PLXNB2: variants seen among roughly 807,000 people sequenced by gnomAD.
The protein encoded by PLXNB2 is plexin B2.
PLXNB2 carries 85 observed loss-of-function variants against 202.6 expected under a neutral mutation model. The ratio of observed to expected loss-of-function variants is 0.42; its 90% CI spans 0.35 to 0.50. PLXNB2 has a LOEUF of 0.50. PLXNB2 is among the 20% of genes least tolerant of loss of function. The pLI, the probability that PLXNB2 is intolerant of heterozygous loss-of-function variation, is 0.02. For synonymous variants in PLXNB2, 1,239 were observed against 1,137.6 expected (o/e 1.09, Z -1.79); for missense variants, 2,063 against 2,586.2 (o/e 0.80, Z 4.39).
At position 50,288,909 on chromosome 22, in the gene PLXNB2, T is replaced by TTGTGCACAGACGGGCCC; in HGVS notation, c.1251+34_1252-39dup. ...GGGCAGGCCGGTGAGGGTACGGGCC[T>TTGTGCACAGACGGGCCC]TGTGCACAGACGGGCCCTCCAGAGC... On this transcript the variant is annotated intron_variant, in intron 4 of 36. Transcript: ENST00000359337. The surrounding 1 kb of genome is among the most constrained non-coding windows in gnomAD (Gnocchi z 5.0). The TTGTGCACAGACGGGCCC allele has an allele frequency of 6.2e-7, 1 of 1,611,060 alleles. No homozygotes were observed. The highest frequency in any genetic ancestry group is 8.5e-7 in the Non-Finnish European group (1 of 1,178,328).
rs538233165 is a variant in PLXNB2 at position 50,275,517 on chromosome 22, G to A, written c.*187C>T. The A allele has an allele frequency of 6.7e-4, 446 of 668,600 alleles. No homozygotes were observed. The highest frequency in any genetic ancestry group is 1.0e-3 in the Non-Finnish European group (377 of 363,158). 41.4% of individuals were successfully genotyped at this position (668,600 alleles called of 1,614,324 possible). ...TGGGGCTGGTGCTGGTGCGGTGCCC[G>A]GCGGTATTGCTCAGAGGAAGATGCT... On this transcript the variant is annotated 3_prime_UTR_variant, in exon 37 of 37. Transcript: ENST00000359337.
chr22:50,279,743 T>A lies in PLXNB2; in HGVS notation c.4276A>T (p.Lys1426Ter). The A allele has an allele frequency of 6.2e-7, 1 of 1,613,958 alleles. No individual in the cohort carries two copies. The highest frequency in any genetic ancestry group is 8.5e-7 in the Non-Finnish European group (1 of 1,179,974). ...SAGEPLYKLF[K>*]AIKHQVEKGP... Reference sequence around the variant, plus strand: ...TTTTCCACCTGATGTTTGATGGCCTTGAAGAGCTTGTACAGGGGCTCCCCG... The same window carrying A: ...TTTTCCACCTGATGTTTGATGGCCTAGAAGAGCTTGTACAGGGGCTCCCCG... Residue 1426 changes from lysine (K) to a stop codon, truncating the protein, a stop_gained, in exon 27 of 37, where the codon AAG becomes TAG. Transcript: ENST00000359337. LOFTEE classifies it high-confidence loss of function.
chr22:50,296,156 A>G (rs1274960457), intron 1 of PLXNB2, among the ~76,000 whole-genome samples: 2 of 151,212 alleles, frequency 1.3e-5, no homozygotes, highest in African/African-American at 4.9e-5. Context: ...AGGCCACGGC[A>G]GTCCAGCCCA....
At position 50,284,528 on chromosome 22, in the gene PLXNB2, G is replaced by A; in HGVS notation, c.2181+45C>T. 6.9e-7 allele frequency: 1 copy of A among 1,452,938 alleles called. No individual in the cohort carries two copies. 90.0% of individuals were successfully genotyped at this position (1,452,938 alleles called of 1,614,324 possible). On this transcript the variant is annotated intron_variant, in intron 12 of 36. Transcript: ENST00000359337. This position sits in a 1 kb window ranked among gnomAD's most constrained non-coding sequence, Gnocchi z 8.0. ...GAAGGTGACCCCCCACCCCACCCGGGGCCCTGGGGTCCAGCAGCCGAGCCG... is the reference window on the plus strand; with the variant it reads ...GAAGGTGACCCCCCACCCCACCCGGAGCCCTGGGGTCCAGCAGCCGAGCCG...
chr22:50,287,889 C>T (rs780224719), intron 6 of PLXNB2, 48 bp downstream of exon 6: 17 of 1,584,978 alleles, frequency 1.1e-5, no homozygotes, highest in South Asian at 5.7e-5. Context: ...CACGACCTTC[C>T]GGGATCCCAG....
chr22:50,282,297 T>C lies in PLXNB2; in HGVS notation c.3004A>G (p.Asn1002Asp). Residue 1002 changes from asparagine (N) to aspartate (D), a missense_variant, in exon 19 of 37, where the codon AAC becomes GAC. Physicochemically the swap from Asn to Asp is conservative, Grantham distance 23. Around this residue, in one of 2 missense-constraint regions of PLXNB2, gnomAD observed 1,303 missense variants for 1,476.8 expected, o/e 0.88. Transcript: ENST00000359337. ...RSFASGGRSI[N>D]VTGQGFSLIQ... ...AGGCTGAAGCCCTGACCCGTGACGTTGATGCTGCGGCCACCACTGCGGAGG... is the reference window on the plus strand; with the variant it reads ...AGGCTGAAGCCCTGACCCGTGACGTCGATGCTGCGGCCACCACTGCGGAGG... 1 of 1,610,530 alleles carries C rather than the reference T, an allele frequency of 6.2e-7. No individual in the cohort carries two copies. Among genetic ancestry groups the C allele is most frequent in the South Asian group, 1.1e-5 (1 of 90,922 alleles).
rs1300156762 is a variant in PLXNB2 at position 50,277,634 on chromosome 22, G to C, written c.5153C>G (p.Thr1718Ser). The change falls in exon 33 of 37, where the codon ACC (threonine) becomes AGC (serine). Residue 1718 changes from threonine to serine, a missense_variant. This residue lies in a region of PLXNB2 where 760 missense variants were observed against 1,109.4 expected (regional missense o/e 0.69). Coordinates refer to ENST00000359337, the MANE Select transcript of PLXNB2 (RefSeq NM_012401.4). ...CGTGCGCGTGCAGGCATCCATGAAG[G>C]TCTGCGCGATGACTGACAGCGAGGC... ...VDASLSVIAQ[T>S]FMDACTRTEH... 1 of 1,606,666 alleles carries C rather than the reference G, an allele frequency of 6.2e-7. No homozygotes were observed.
intron 1 of PLXNB2, among the ~76,000 whole-genome samples, chr22:50,303,398 G>A (rs1311794725): frequency 1.3e-5 from 2 of 152,182 alleles, no homozygotes; most frequent in Non-Finnish European, 2.9e-5. Context: ...GCCCCCAGAC[G>A]CCAATCTGAC....
rs1297463634 is a variant in PLXNB2 at position 50,284,671 on chromosome 22, G to C, written c.2089-6C>G. ...CCCACGTGCAGGGAGGAACCCTGCA[G>C]ACCATGCCGTCAGGACCCTGGACAG... On this transcript the variant is annotated splice_polypyrimidine_tract_variant and splice_region_variant and intron_variant, in intron 11 of 36. Transcript: ENST00000359337. This position sits in a 1 kb window ranked among gnomAD's most constrained non-coding sequence, Gnocchi z 8.0. 1 of 1,608,194 alleles carries C rather than the reference G, an allele frequency of 6.2e-7. No individual in the cohort carries two copies. Among genetic ancestry groups the C allele is most frequent in the South Asian group, 1.1e-5 (1 of 90,928 alleles).
intron 2 of PLXNB2, among the ~76,000 whole-genome samples, chr22:50,293,319 A>G (rs908326429): frequency 6.6e-6 from 1 of 152,060 alleles, no homozygotes; most frequent in Non-Finnish European, 1.5e-5. Context: ...CCATGGCCCT[A>G]CCAGGGAGGA....
At position 50,289,061 on chromosome 22, in the gene PLXNB2, C is replaced by T. The variant is rs573754705; in HGVS notation, c.1150G>A (p.Val384Met). Residue 384 changes from valine to methionine, a missense_variant, in exon 4 of 37, where the codon GTG becomes ATG. Coordinates refer to ENST00000359337, the MANE Select transcript of PLXNB2 (RefSeq NM_012401.4). The surrounding 1 kb of genome is among the most constrained non-coding windows in gnomAD (Gnocchi z 8.0). ...AGGTTCAGGCCTCCACGCTGCAGCA[C>T]GGCTGTGCCTCTGAGCCCGTCGCGG... is the stretch of plus-strand genomic sequence containing the variant. ...GSRDGLRGTA[V>M]LQRGGLNLTA... The T allele has an allele frequency of 3.8e-4, 604 of 1,606,588 alleles. 5 individuals are homozygous for T. The South Asian group carries it at 5.9e-3, about 16-fold the overall frequency.
Position 50,284,590 on chromosome 22 carries a change from C to T in PLXNB2, c.2164G>A (p.Ala722Thr), listed in dbSNP as rs374900808. 1.1e-5 allele frequency: 18 copies of T among 1,607,836 alleles called. No homozygotes were observed. The highest frequency in any genetic ancestry group is 3.4e-5 in the Admixed American group (2 of 59,374). The change falls in exon 12 of 37, where the codon GCC (alanine) becomes ACC (threonine). Residue 722 changes from alanine (A) to threonine (T), a missense_variant. Coordinates refer to ENST00000359337, the MANE Select transcript of PLXNB2 (RefSeq NM_012401.4). The surrounding 1 kb of genome is among the most constrained non-coding windows in gnomAD (Gnocchi z 8.0). ...AGCCGTACCTTTGGGGTCCGAAAGG[C>T]GAAGGTCCCAGATTCCTGCATGGTC... Reference protein sequence around the residue: ...PVTMQESGTFAFRTPKLSHDA... With the variant: ...PVTMQESGTFTFRTPKLSHDA...
chr22:50,281,383 G>A lies in PLXNB2; in HGVS notation c.3639C>T (p.Ile1213=), dbSNP rs549890085. The A allele has an allele frequency of 1.6e-5, 25 of 1,612,244 alleles. No individual in the cohort carries two copies. The highest frequency in any genetic ancestry group is 1.6e-4 in the Middle Eastern group (1 of 6,062). ...PLVIVPMVVV[I]AVSVYCYWRK... ...ACCAGTAGCAGTAGACAGACACCGC[G>A]ATGACGACCACCATGGGCACGATGA... is the stretch of plus-strand genomic sequence containing the variant. Residue 1213 remains isoleucine, a synonymous_variant, in exon 22 of 37, where the codon ATC becomes ATT. Coordinates refer to ENST00000359337, the MANE Select transcript of PLXNB2 (RefSeq NM_012401.4).
rs1472733540 is a variant in PLXNB2 at position 50,287,225 on chromosome 22, C to T, written c.1648G>A (p.Glu550Lys). 26 of 1,550,332 alleles carry T rather than the reference C, an allele frequency of 1.7e-5. No homozygotes were observed. The highest frequency in any genetic ancestry group is 2.2e-5 in the Non-Finnish European group (25 of 1,146,888). ...TVSPLPALSE[E>K]DELLCLFGES... ...CCAAAAAGGCACAGCAACTCGTCCT[C>T]CTCGCTCAGGGCAGGGAGGGGGCTG... The change falls in exon 8 of 37, where the codon GAG becomes AAG. Residue 550 changes from glutamate to lysine, a missense_variant. This residue lies in a region of PLXNB2 where 1,303 missense variants were observed against 1,476.8 expected (regional missense o/e 0.88). Transcript: ENST00000359337.
chr22:50,281,610 G>A lies in PLXNB2; in HGVS notation c.3478C>T (p.Arg1160Trp), dbSNP rs781014569. The change falls in exon 21 of 37, where the codon CGG (arginine) becomes TGG (tryptophan). Residue 1160 changes from arginine to tryptophan, a missense_variant. Transcript: ENST00000359337. ...TGTGTGGTGTCTCGTTTCTGCCGCC[G>A]CTTGGGCGGGGGCTGCACCTCCGGG... The part of the protein sequence containing the change: ...EPPEVQPPPK[R>W]RQKRDTTHNL... 8.3e-5 allele frequency: 134 copies of A among 1,609,820 alleles called. No homozygotes were observed. The highest frequency in any genetic ancestry group is 1.6e-4 in the Middle Eastern group (1 of 6,066).
In PLXNB2 at chr22:50,280,752, G is replaced by A; in HGVS notation, c.3985C>T (p.Leu1329Phe). 1 of 1,560,964 alleles carries A rather than the reference G, an allele frequency of 6.4e-7. No homozygotes were observed. The highest frequency in any genetic ancestry group is 8.8e-7 in the Non-Finnish European group (1 of 1,137,048). ...CCCGACGCCTGGCTCACATTGATGA[G>A]GAAAGACTTGCTGTTCAGCAGGTTG... ...FSNLLNSKSFLINFIHTLENQ... is the reference protein window; with the variant it reads ...FSNLLNSKSFFINFIHTLENQ... Residue 1329 changes from leucine to phenylalanine, a missense_variant, in exon 24 of 37, where the codon CTC becomes TTC. This residue lies in a region of PLXNB2 where 760 missense variants were observed against 1,109.4 expected (regional missense o/e 0.69). Transcript: ENST00000359337.
Position 50,281,753 on chromosome 22 carries a change from G to A in PLXNB2, c.3346-11C>T, listed in dbSNP as rs370475771. 5.3e-5 allele frequency: 82 copies of A among 1,557,294 alleles called. No homozygotes were observed. Among genetic ancestry groups the A allele is most frequent in the Non-Finnish European group, 6.9e-5 (79 of 1,150,782 alleles). ...GTTCAGATTGGTGCCCTGGGGAGGC[G>A]GCAGTGGTCGGGGTGAGGAGGAGGG... On this transcript the variant is annotated splice_polypyrimidine_tract_variant and intron_variant, in intron 20 of 36. Transcript: ENST00000359337.
intron 33 of PLXNB2, 120 bp downstream of exon 33, chr22:50,277,471 A>C: frequency 9.3e-7 from 1 of 1,070,390 alleles, no homozygotes; most frequent in Non-Finnish European, 1.3e-6. Flanking sequence ...CACCTCCTAC[A>C]TCAAGGGCTC....
rs777705752 is a variant in PLXNB2, at chr22:50,275,382, A to G, written c.*322T>C. 4.1e-6 allele frequency: 2 copies of G among 482,740 alleles called. No homozygotes were observed. The highest frequency in any genetic ancestry group is 3.1e-5 in the South Asian group (2 of 64,712). The allele number at this position is 482,740 out of a possible 1,614,324, so 29.9% of individuals were successfully genotyped here. On this transcript the variant is annotated 3_prime_UTR_variant, in exon 37 of 37. Transcript: ENST00000359337. Reference sequence around the variant, plus strand: ...GAGGCGGCTGCTGGTGCGTGGGCGGAGGCGGAGGCCAGCTGCCCCCAGCGT... The same window carrying G: ...GAGGCGGCTGCTGGTGCGTGGGCGGGGGCGGAGGCCAGCTGCCCCCAGCGT...
Sources: allele counts gnomAD v4.1 joint callset (sites outside exome capture counted in the v4.1 genomes callset), GRCh38; gene constraint gnomAD v4.1.1; regional missense constraint gnomAD v4.1.1; non-coding constraint Gnocchi (gnomAD v3.1); transcripts MANE v1.5; gene names NCBI Gene and HGNC (gene_info 2026-07-23, HGNC 2026-07-21).